Variants in GULP1 observed in about 807,000 individuals in gnomAD.
GULP1 encodes GULP PTB domain containing engulfment adaptor 1.
GULP1 carries 19 observed loss-of-function variants against 40.9 expected under a neutral mutation model. The ratio of observed to expected loss-of-function variants is 0.46; its 90% CI spans 0.32 to 0.68. GULP1 has a LOEUF of 0.68. GULP1 is among the 30% of genes least tolerant of loss of function. The pLI, the probability that GULP1 is intolerant of heterozygous loss-of-function variation, is 0.03. For missense variants in GULP1, 312 were observed against 362.2 expected (o/e 0.86, Z 1.12); for synonymous variants, 119 against 117.6 (o/e 1.01, Z -0.08).
At chr2:188,363,435 G>A (rs560250056) in intron 1 of GULP1, among the ~76,000 whole-genome samples, 17 of 152,250 alleles carry the variant, frequency 1.1e-4, no homozygotes, top group African/African-American at 3.9e-4. Flanking sequence ...TTATGGAGGA[G>A]TGTAAAATTT....
At chr2:188,512,817 A>G (rs1437081519) in intron 4 of GULP1, among the ~76,000 whole-genome samples, 1 of 151,148 alleles carries the variant, frequency 6.6e-6, no homozygotes, top group Non-Finnish European at 1.5e-5. Flanking sequence ...GAATATAGAC[A>G]TCACTTGTGG....
At chr2:188,541,938 T>A (rs1308502791) in intron 7 of GULP1, 1 of 152,756 alleles carries the variant, frequency 6.5e-6, no homozygotes, top group East Asian at 1.9e-4. Flanking sequence ...TGAAACTCTG[T>A]CTCTACTAAA....
intron 4 of GULP1, among the ~76,000 whole-genome samples, chr2:188,500,166 G>A (rs1050537559): frequency 3.3e-5 from 5 of 151,810 alleles, no homozygotes; most frequent in African/African-American, 1.2e-4. Context: ...ATACTGGTGT[G>A]CTTGTTAAAA....
At chr2:188,498,738 C>T (rs893425420) in intron 4 of GULP1, among the ~76,000 whole-genome samples, 3 of 151,632 alleles carry the variant, frequency 2.0e-5, no homozygotes, top group Non-Finnish European at 4.4e-5. Flanking sequence ...ATTGAATGTT[C>T]CCAACACAAA....
intron 1 of GULP1, among the ~76,000 whole-genome samples, chr2:188,317,087 T>C (rs2039201321): frequency 6.6e-6 from 1 of 152,118 alleles, no homozygotes; most frequent in South Asian, 2.1e-4. Flanking sequence ...CAAAATCGGT[T>C]TTTATCTCAT....
intron 2 of GULP1, among the ~76,000 whole-genome samples, chr2:188,465,155 A>G (rs1026441607): frequency 3.9e-5 from 6 of 152,180 alleles, no homozygotes; most frequent in Admixed American, 1.3e-4. Context: ...GTCTCACTCA[A>G]TGTTCTTAAT....
At chr2:188,548,310 T>C (rs375918546) in intron 7 of GULP1, among the ~76,000 whole-genome samples, 1 of 152,126 alleles carries the variant, frequency 6.6e-6, no homozygotes, top group African/African-American at 2.4e-5. Context: ...GGATCAATTG[T>C]ATTGCTGTAT....
chr2:188,571,786 AT>A (rs765158956), intron 9 of GULP1, among the ~76,000 whole-genome samples: 1 of 152,194 alleles, frequency 6.6e-6, no homozygotes, highest in African/African-American at 2.4e-5. Flanking sequence ...AATGTACTTC[AT>A]TTATGTGAAG....
intron 2 of GULP1, among the ~76,000 whole-genome samples, chr2:188,446,896 G>T (rs1364586523): frequency 1.3e-5 from 2 of 152,114 alleles, no homozygotes; most frequent in African/African-American, 4.8e-5. Context: ...GTCAAACTCT[G>T]TAAAATATTT....
At position 188,549,479 on chromosome 2, in the gene GULP1, A is replaced by T. The variant is rs183754013; in HGVS notation, c.399+8161A>T. Among the ~76,000 whole-genome samples, 62 of 151,902 alleles carry T rather than the reference A, an allele frequency of 4.1e-4. 1 individual carries two copies. The highest frequency in any genetic ancestry group is 1.5e-3 in the African/African-American group (61 of 41,536). On this transcript the variant is annotated intron_variant, in intron 7 of 11. Coordinates refer to ENST00000409830, the MANE Select transcript of GULP1 (RefSeq NM_016315.4). ...ACTACAGAATTATCAGACAGGCTACAATAAAATCACCAAATGCTGGTAAGA... is the reference window on the plus strand; with the variant it reads ...ACTACAGAATTATCAGACAGGCTACTATAAAATCACCAAATGCTGGTAAGA...
At chr2:188,506,153 T>C (rs2063890763) in intron 4 of GULP1, among the ~76,000 whole-genome samples, 3 of 151,932 alleles carry the variant, frequency 2.0e-5, no homozygotes, top group Admixed American at 6.6e-5. Context: ...GCCCTATTTA[T>C]ACACTCCTTT....
chr2:188,513,207 G>A (rs192124294), intron 4 of GULP1, among the ~76,000 whole-genome samples: 46 of 152,152 alleles, frequency 3.0e-4, no homozygotes, highest in African/African-American at 9.1e-4. Context: ...AAAATCTGAC[G>A]AACTATATGC....
chr2:188,499,751 A>G (rs1320333371), intron 4 of GULP1, among the ~76,000 whole-genome samples: 2 of 151,852 alleles, frequency 1.3e-5, no homozygotes, highest in Non-Finnish European at 2.9e-5. Flanking sequence ...TCAGAAATAT[A>G]AGAGTAGAGG....
At chr2:188,337,134 ATATC>A (rs1266497100) in intron 1 of GULP1, among the ~76,000 whole-genome samples, 1 of 148,114 alleles carries the variant, frequency 6.8e-6, no homozygotes, top group Non-Finnish European at 1.5e-5. Flanking sequence ...ATCTATATCT[ATATC>A]TATCTATATA....
chr2:188,350,210 G>A (rs142557046), intron 1 of GULP1, among the ~76,000 whole-genome samples: 167 of 152,042 alleles, frequency 1.1e-3, no homozygotes, highest in African/African-American at 3.7e-3. Context: ...TGAATTTTGG[G>A]ATCAGATTAT....
At chr2:188,530,689 T>C (rs1687309894) in intron 6 of GULP1, among the ~76,000 whole-genome samples, 1 of 152,172 alleles carries the variant, frequency 6.6e-6, no homozygotes, top group Admixed American at 6.6e-5. Flanking sequence ...CACCTTGATC[T>C]TAGACTTCTA....
intron 4 of GULP1, among the ~76,000 whole-genome samples, chr2:188,512,457 C>T (rs1575696024): frequency 6.6e-6 from 1 of 151,992 alleles, no homozygotes; most frequent in African/African-American, 2.4e-5. Context: ...GTATTCCAGA[C>T]ATTTTTGTTA....
At chr2:188,519,479 T>A (rs1308416685) in intron 4 of GULP1, among the ~76,000 whole-genome samples, 1 of 152,140 alleles carries the variant, frequency 6.6e-6, no homozygotes, top group Non-Finnish European at 1.5e-5. Flanking sequence ...AATAATTACT[T>A]CCCCATAAAG....
chr2:188,365,517 A>T (rs1043473817), intron 1 of GULP1, among the ~76,000 whole-genome samples: 1 of 152,238 alleles, frequency 6.6e-6, no homozygotes, highest in Non-Finnish European at 1.5e-5. Flanking sequence ...ATGAGGAAGC[A>T]TAAAATTCTT....
Sources: allele counts gnomAD v4.1 joint callset (sites outside exome capture counted in the v4.1 genomes callset), GRCh38; gene constraint gnomAD v4.1.1; transcripts MANE v1.5; gene names NCBI Gene and HGNC (gene_info 2026-07-23, HGNC 2026-07-21).